The following MCPH1 variants were observed in gnomAD, a reference collection of about 807,000 sequenced individuals.
MCPH1 encodes microcephalin 1, also known as microcephalin.
MCPH1 carries 104 observed loss-of-function variants against 84.5 expected under a neutral mutation model. The ratio of observed to expected loss-of-function variants is 1.23; its 90% CI spans 1.05 to 1.45. The LOEUF (loss-of-function observed/expected upper bound fraction) is 1.45, where lower values mean the gene tolerates loss of function less well. MCPH1 is among the 40% of genes most tolerant of loss of function. MCPH1 has a pLI of 0.00. For missense variants in MCPH1, 1,498 were observed against 1,005.7 expected, an observed-to-expected ratio of 1.49 and a Z score of -6.62; for synonymous variants, 514 against 366.8, an observed-to-expected ratio of 1.40 and a Z score of -4.58.
intron 12 of MCPH1, among the ~76,000 whole-genome samples, chr8:6,509,405 C>T (rs1390743274): frequency 2.0e-5 from 3 of 152,328 alleles, no homozygotes; most frequent in Middle Eastern, 3.4e-3. Context: ...GGTCTCCAGT[C>T]ATCTTCCATA....
chr8:6,436,309 G>A lies in MCPH1; in HGVS notation c.436+147G>A, dbSNP rs1802630824. 6.8e-6 allele frequency: 6 copies of A among 887,638 alleles called. No homozygotes were observed. In the East Asian group the frequency reaches 1.4e-4, roughly 21 times the overall value. 55.0% of individuals were successfully genotyped at this position (887,638 alleles called of 1,614,324 possible). ...TGAAGGAGAAAACAAAATGTCAGGA[G>A]CCTGCGGGAGACTTGGCTGGGAGCC... On this transcript the variant is annotated intron_variant, in intron 5 of 13. Coordinates refer to ENST00000344683, the MANE Select transcript of MCPH1 (RefSeq NM_024596.5).
intron 12 of MCPH1, among the ~76,000 whole-genome samples, chr8:6,510,755 G>A (rs1206797680): frequency 6.6e-6 from 1 of 152,202 alleles, no homozygotes; most frequent in Non-Finnish European, 1.5e-5. Flanking sequence ...TGAAGAAGTT[G>A]TGAAAAGATG....
chr8:6,637,788 G>A (rs1381269090), intron 13 of MCPH1, among the ~76,000 whole-genome samples: 3 of 152,158 alleles, frequency 2.0e-5, no homozygotes, highest in Non-Finnish European at 4.4e-5. Context: ...TGGAAGCAGA[G>A]AAAGCAGTCT....
At chr8:6,460,478 G>A (rs7001056) in intron 9 of MCPH1, among the ~76,000 whole-genome samples, 37,426 of 151,554 alleles carry the variant, frequency 0.25, 6,394 homozygotes, top group African/African-American at 0.48. Flanking sequence ...GTCCTCCCAG[G>A]GTACTGGGAT....
At chr8:6,599,268 G>C (rs1030228103) in intron 12 of MCPH1, among the ~76,000 whole-genome samples, 1 of 152,206 alleles carries the variant, frequency 6.6e-6, no homozygotes, top group Non-Finnish European at 1.5e-5. Flanking sequence ...GCTTGTGACA[G>C]GAATTATCGA....
At chr8:6,425,104 C>T (rs562738772) in intron 3 of MCPH1, among the ~76,000 whole-genome samples, 6 of 152,140 alleles carry the variant, frequency 3.9e-5, no homozygotes, top group South Asian at 2.1e-4. Flanking sequence ...GGTTCCTGGC[C>T]GACCTAGCAG....
intron 12 of MCPH1, among the ~76,000 whole-genome samples, chr8:6,577,568 G>C (rs941965575): frequency 6.6e-6 from 1 of 152,180 alleles, no homozygotes; most frequent in African/African-American, 2.4e-5. Flanking sequence ...AACTTCCTTT[G>C]GACAGCTACT....
intron 3 of MCPH1, among the ~76,000 whole-genome samples, chr8:6,430,175 C>G (rs1250794515): frequency 6.6e-6 from 1 of 152,216 alleles, no homozygotes; most frequent in Non-Finnish European, 1.5e-5. Context: ...CAACCTGTTG[C>G]TGCTTTTCTG....
At chr8:6,566,017 C>T (rs1010665840) in intron 12 of MCPH1, among the ~76,000 whole-genome samples, 2 of 152,206 alleles carry the variant, frequency 1.3e-5, no homozygotes, top group African/African-American at 4.8e-5. Flanking sequence ...TTATTTTCGG[C>T]TCTGCAGGCT....
intron 12 of MCPH1, among the ~76,000 whole-genome samples, chr8:6,522,411 G>C (rs2922895): frequency 0.41 from 62,528 of 151,798 alleles, 13,038 homozygotes; most frequent in Middle Eastern, 0.52. Context: ...TACATTAACA[G>C]TCAATGAATG....
At chr8:6,622,125 C>G (rs28519374) in intron 13 of MCPH1, 2 of 293,374 alleles carry the variant, frequency 6.8e-6, no homozygotes, top group East Asian at 8.7e-5. Flanking sequence ...AGGTACATCT[C>G]ATGATCACTC....
At chr8:6,561,812 G>A (rs1167696363) in intron 12 of MCPH1, among the ~76,000 whole-genome samples, 1 of 152,122 alleles carries the variant, frequency 6.6e-6, no homozygotes, top group Non-Finnish European at 1.5e-5. Context: ...GAAAAACAGA[G>A]CTTTCAATAT....
rs555258069 is a variant in MCPH1, at chr8:6,426,378, G to A, written c.234-5121G>A. ...CTCCTCCCACCCCAGGGCAGCCACAGATCTGGTTTCTGTCATTAAAGATTA... is the reference window on the plus strand; with the variant it reads ...CTCCTCCCACCCCAGGGCAGCCACAAATCTGGTTTCTGTCATTAAAGATTA... On this transcript the variant is annotated intron_variant, in intron 3 of 13. Coordinates refer to ENST00000344683, the MANE Select transcript of MCPH1 (RefSeq NM_024596.5). 3.9e-5 allele frequency among the ~76,000 whole-genome samples: 6 copies of A among 152,268 alleles called. No individual in the cohort carries two copies. The South Asian group carries it at 1.2e-3, about 32-fold the overall frequency.
At chr8:6,431,747 A>G (rs570158340) in intron 4 of MCPH1, among the ~76,000 whole-genome samples, 161 bp downstream of exon 4, 2 of 152,312 alleles carry the variant, frequency 1.3e-5, no homozygotes, top group African/African-American at 2.4e-5. Flanking sequence ...AGTGAATTAC[A>G]GAGATTATTT....
At chr8:6,512,977 A>G (rs935698651) in intron 12 of MCPH1, among the ~76,000 whole-genome samples, 2 of 152,240 alleles carry the variant, frequency 1.3e-5, no homozygotes, top group Non-Finnish European at 2.9e-5. Flanking sequence ...ATAAAGACAG[A>G]CTAACTTTTG....
intron 12 of MCPH1, among the ~76,000 whole-genome samples, chr8:6,522,328 C>T (rs1208595098): frequency 6.6e-6 from 1 of 151,356 alleles, no homozygotes; most frequent in Non-Finnish European, 1.5e-5. Context: ...GCACTCCAGC[C>T]TGGGCGACAG....
chr8:6,532,527 T>G, intron 12 of MCPH1: 1 of 1,505,162 alleles, frequency 6.6e-7, no homozygotes, highest in Non-Finnish European at 8.9e-7. Context: ...ATTAGTCAAA[T>G]GACCGGAAAC....
rs778704096 is a variant in MCPH1, at chr8:6,646,753, C to A, written c.*3704C>A. The stretch of plus-strand genomic sequence containing the variant: ...AGTGGCATCCCTCCCCTGACACACA[C>A]CTAGTTTTGACAATCTCTGTCTCCA... On this transcript the variant is annotated 3_prime_UTR_variant, in exon 14 of 14. Transcript: ENST00000344683. 6.6e-5 allele frequency: 10 copies of A among 152,214 alleles called. No homozygotes were observed. The highest frequency in any genetic ancestry group is 1.3e-4 in the Non-Finnish European group (9 of 68,046). The allele number at this position is 152,214 out of a possible 1,614,324, so 9.4% of individuals were successfully genotyped here.
rs567721027 is a variant in MCPH1, at chr8:6,437,103, A to G, written c.436+941A>G. Among the ~76,000 whole-genome samples the G allele has an allele frequency of 1.9e-3, 287 of 152,306 alleles. 1 individual carries two copies. Among genetic ancestry groups the G allele is most frequent in the Non-Finnish European group, 3.3e-3 (227 of 68,020 alleles). On this transcript the variant is annotated intron_variant, in intron 5 of 13. Coordinates refer to ENST00000344683, the MANE Select transcript of MCPH1 (RefSeq NM_024596.5). ...ACAGCATTGCTACAGATAAGCAATTATGGTCACTAGAAATTCCTAGGAAGC... is the reference window on the plus strand; with the variant it reads ...ACAGCATTGCTACAGATAAGCAATTGTGGTCACTAGAAATTCCTAGGAAGC...
Sources: allele counts gnomAD v4.1 joint callset (sites outside exome capture counted in the v4.1 genomes callset), GRCh38; gene constraint gnomAD v4.1.1; transcripts MANE v1.5; gene names NCBI Gene and HGNC (gene_info 2026-07-23, HGNC 2026-07-21).